AASDH: variants seen among roughly 807,000 people sequenced by gnomAD.
AASDH encodes aminoadipate-semialdehyde dehydrogenase.
In AASDH, 81 loss-of-function variants were observed where a neutral mutation model predicts 102.3. That is an observed-to-expected ratio of 0.79 (90% CI 0.66 to 0.95). The LOEUF is 0.95. Among genes scored for constraint, AASDH ranks in the 40% least tolerant of loss-of-function variants. AASDH has a pLI of 0.00. For missense variants in AASDH, 1,203 were observed against 1,266.2 expected (o/e 0.95, Z 0.76); for synonymous variants, 398 against 454.0 (o/e 0.88, Z 1.57).
intron 5 of AASDH, among the ~76,000 whole-genome samples, chr4:56,360,825 C>T (rs938267447): frequency 6.6e-6 from 1 of 152,148 alleles, no homozygotes; most frequent in African/African-American, 2.4e-5. Flanking sequence ...AAAACATTTA[C>T]ATAGTAGAAT....
chr4:56,342,748 G>A (rs1025144240), intron 14 of AASDH, 87 bp downstream of exon 14: 3 of 476,494 alleles, frequency 6.3e-6, no homozygotes, highest in Non-Finnish European at 8.8e-6. Flanking sequence ...TAGAACTATA[G>A]ATATATAAAA....
At chr4:56,339,610 G>A (rs909493174) in intron 14 of AASDH, among the ~76,000 whole-genome samples, 1 of 151,340 alleles carries the variant, frequency 6.6e-6, no homozygotes, top group Non-Finnish European at 1.5e-5. Flanking sequence ...AATTAGCCAG[G>A]TGTGGTGGCA....
intron 10 of AASDH, among the ~76,000 whole-genome samples, chr4:56,350,766 G>A (rs6815480): frequency 0.36 from 54,135 of 151,614 alleles, 10,108 homozygotes; most frequent in Non-Finnish European, 0.43. Flanking sequence ...ATCTAAAAAT[G>A]AAGTAGAAGA....
At chr4:56,354,963 G>A in intron 6 of AASDH, 152 bp from the exon 7 acceptor site, 1 of 848,080 alleles carries the variant, frequency 1.2e-6, no homozygotes. Context: ...AGGTGGAAAG[G>A]TAACCATATA....
At chr4:56,373,317 T>C (rs1051766219) in intron 4 of AASDH, among the ~76,000 whole-genome samples, 1 of 151,678 alleles carries the variant, frequency 6.6e-6, no homozygotes, top group African/African-American at 2.4e-5. Flanking sequence ...TTTTTTTGAG[T>C]TTTTAGTAGA....
intron 1 of AASDH, among the ~76,000 whole-genome samples, chr4:56,387,143 C>T (rs935933951): frequency 1.3e-5 from 2 of 152,192 alleles, no homozygotes; most frequent in African/African-American, 4.8e-5. Context: ...CACTTATTTC[C>T]ATTTGAATGG....
intron 4 of AASDH, among the ~76,000 whole-genome samples, chr4:56,376,540 T>C (rs541088665): frequency 3.1e-4 from 47 of 152,328 alleles, no homozygotes; most frequent in Middle Eastern, 3.4e-3. Flanking sequence ...CATCTTTCTC[T>C]ACCAGCATTT....
chr4:56,371,112 A>G (rs1362781471), intron 5 of AASDH, among the ~76,000 whole-genome samples: 1 of 152,238 alleles, frequency 6.6e-6, no homozygotes, highest in Non-Finnish European at 1.5e-5. Context: ...ATTGACTTAT[A>G]CTAGTTTTTC....
In AASDH at chr4:56,338,382, C is replaced by T; in HGVS notation, c.*20G>A. 3 of 1,599,452 alleles carry T rather than the reference C, an allele frequency of 1.9e-6. No homozygotes were observed. Among genetic ancestry groups the T allele is most frequent in the African/African-American group, 1.3e-5 (1 of 74,264 alleles). The stretch of plus-strand genomic sequence containing the variant: ...TTTCAAATATCTCACATTTGTTATA[C>T]AAATAAGGACTGTATTTGATTATTT... On this transcript the variant is annotated 3_prime_UTR_variant, in exon 15 of 15. Transcript: ENST00000205214.
At chr4:56,343,778 T>C in intron 12 of AASDH, 94 bp from the exon 13 acceptor site, 1 of 1,271,680 alleles carries the variant, frequency 7.9e-7, no homozygotes, top group Non-Finnish European at 1.1e-6. Flanking sequence ...TTAGTTAATA[T>C]AAGTTTTTAT....
intron 12 of AASDH, among the ~76,000 whole-genome samples, chr4:56,343,952 TAC>T (rs1178223854): frequency 1.3e-5 from 2 of 152,144 alleles, no homozygotes; most frequent in South Asian, 4.1e-4. Context: ...TATGTGTATA[TAC>T]ACACACACGA....
At chr4:56,382,805 C>A (rs1753132878) in intron 2 of AASDH, among the ~76,000 whole-genome samples, 1 of 152,204 alleles carries the variant, frequency 6.6e-6, no homozygotes, top group Non-Finnish European at 1.5e-5. Flanking sequence ...CACGGTGGCT[C>A]ACGCCTGTAA....
chr4:56,361,339 G>A (rs532650166), intron 5 of AASDH, among the ~76,000 whole-genome samples: 115 of 152,246 alleles, frequency 7.6e-4, no homozygotes, highest in African/African-American at 2.7e-3. Context: ...AACCCAGGAG[G>A]TGGAGGTTGC....
chr4:56,350,131 T>C (rs1326578356), intron 10 of AASDH, 73 bp from the exon 11 acceptor site: 1 of 1,227,774 alleles, frequency 8.1e-7, no homozygotes, highest in African/African-American at 1.5e-5. Flanking sequence ...TTACAGGTAA[T>C]ATATAGAGAT....
intron 8 of AASDH, among the ~76,000 whole-genome samples, chr4:56,353,833 T>A (rs1282646370): frequency 6.6e-6 from 1 of 152,176 alleles, no homozygotes; most frequent in Non-Finnish European, 1.5e-5. Flanking sequence ...AATATCAAAA[T>A]CTAATTTGTC....
chr4:56,338,436 TA>T lies in AASDH; in HGVS notation c.3262del (p.Tyr1088IlefsTer20), dbSNP rs1335572565. 1 of 1,613,652 alleles carries T rather than the reference TA, an allele frequency of 6.2e-7. No individual in the cohort carries two copies. Among genetic ancestry groups the T allele is most frequent in the East Asian group, 2.2e-5 (1 of 44,878 alleles). On this transcript the variant is annotated frameshift_variant, in exon 15 of 15. Transcript: ENST00000205214. LOFTEE classifies it high-confidence loss of function. Reference protein sequence around the residue: ...LIIGCRDNYVYCLDLLGGNQK With the variant: ...LIIGCRDNYVXCLDLLGGNQK ...ATTGCCACCCAATAAATCCAGACAA[TA>T]AACATAATTATCTCTACACCCAATA... is the stretch of plus-strand genomic sequence containing the variant.
chr4:56,379,657 A>G (rs557518360), intron 3 of AASDH, among the ~76,000 whole-genome samples: 1 of 152,368 alleles, frequency 6.6e-6, no homozygotes, highest in African/African-American at 2.4e-5. Flanking sequence ...TGCGTATGAT[A>G]ATAAAGCAGG....
intron 10 of AASDH, 116 bp downstream of exon 10, chr4:56,351,226 T>C: frequency 1.6e-6 from 1 of 643,240 alleles, no homozygotes; most frequent in African/African-American, 1.9e-5. Flanking sequence ...CTACCTAACA[T>C]CTGGGTAGCA....
At chr4:56,366,924 T>A (rs1392813616) in intron 5 of AASDH, among the ~76,000 whole-genome samples, 9 of 151,890 alleles carry the variant, frequency 5.9e-5, no homozygotes, top group African/African-American at 2.2e-4. Flanking sequence ...AAAGAGGAAG[T>A]CAAATTGTCC....
Sources: gnomAD v4.1 joint callset for allele counts (sites outside exome capture counted in the v4.1 genomes callset) on GRCh38, gnomAD v4.1.1 for gene constraint, MANE v1.5 for transcripts, NCBI Gene and HGNC (gene_info 2026-07-23, HGNC 2026-07-21) for gene names.